PWWP3B: variants seen among roughly 807,000 people sequenced by gnomAD.
PWWP3B encodes the protein PWWP domain containing 3B.
In PWWP3B, 5 loss-of-function variants were observed where a neutral mutation model predicts 15.7. That is an observed-to-expected ratio of 0.32 (90% CI 0.17 to 0.67). PWWP3B has a LOEUF of 0.67. Among genes scored for constraint, PWWP3B ranks in the 30% least tolerant of loss-of-function variants. PWWP3B has a pLI of 0.74. For synonymous variants in PWWP3B, 203 were observed against 179.8 expected, an observed-to-expected ratio of 1.13 and a Z score of -1.03; for missense variants, 519 against 493.1, an observed-to-expected ratio of 1.05 and a Z score of -0.50.
chrX:106,173,401 A>G (rs1288224520), intron 2 of PWWP3B, among the ~76,000 whole-genome samples: 1 of 111,189 alleles, frequency 9.0e-6, no homozygotes, highest in Non-Finnish European at 1.9e-5. Flanking sequence ...TACCCCCCCA[A>G]ATATATTCCA....
At chrX:106,200,687 G>A (rs1923646047) in intron 2 of PWWP3B, among the ~76,000 whole-genome samples, 1 of 111,457 alleles carries the variant, frequency 9.0e-6, no homozygotes, top group African/African-American at 3.3e-5. Context: ...TGTAAATAAA[G>A]ACATAAATTT....
At chrX:106,176,229 G>C (rs1383474243) in intron 2 of PWWP3B, among the ~76,000 whole-genome samples, 1 of 111,303 alleles carries the variant, frequency 9.0e-6, no homozygotes, top group Non-Finnish European at 1.9e-5. Context: ...GATTAGCTGG[G>C]ATTACAGGCA....
At chrX:106,172,285 C>T (rs1921661738) in intron 2 of PWWP3B, among the ~76,000 whole-genome samples, 1 of 110,015 alleles carries the variant, frequency 9.1e-6, no homozygotes, top group Non-Finnish European at 1.9e-5. Context: ...AATAAATTAA[C>T]CTTAGCTTAT....
chrX:106,194,775 T>C (rs1923267389), intron 2 of PWWP3B, among the ~76,000 whole-genome samples: 1 of 112,210 alleles, frequency 8.9e-6, no homozygotes, highest in Non-Finnish European at 1.9e-5. Flanking sequence ...GACCCTCAGC[T>C]GCAGGTCTGT....
At chrX:106,199,969 G>A (rs965883442) in intron 2 of PWWP3B, among the ~76,000 whole-genome samples, 11 of 111,669 alleles carry the variant, frequency 9.9e-5, no homozygotes, top group Non-Finnish European at 1.9e-4. Flanking sequence ...CAGAGAGAAC[G>A]CTACATGTTT....
intron 2 of PWWP3B, among the ~76,000 whole-genome samples, chrX:106,197,085 C>A (rs1396894330): frequency 8.9e-6 from 1 of 111,776 alleles, no homozygotes; most frequent in Non-Finnish European, 1.9e-5. Flanking sequence ...ACAGCCTTAG[C>A]GGGGCTCTAT....
Position 106,208,280 on chromosome X carries a change from T to C in PWWP3B, c.*757T>C, listed in dbSNP as rs1010708377. 1 of 123,414 alleles carries C rather than the reference T, an allele frequency of 8.1e-6. No homozygotes were observed. The highest frequency in any genetic ancestry group is 2.8e-4 in the East Asian group (1 of 3,591). 10.2% of individuals were successfully genotyped at this position (123,414 alleles called of 1,213,427 possible). On this transcript the variant is annotated 3_prime_UTR_variant, in exon 4 of 4. Transcript: ENST00000357175. ...TTCAATGGCTGAATAGTTCCTTAAATCAGACAAGCTCCTGGCTATCTTCAT... is the reference window on the plus strand; with the variant it reads ...TTCAATGGCTGAATAGTTCCTTAAACCAGACAAGCTCCTGGCTATCTTCAT...
At position 106,206,108 on chromosome X, in the gene PWWP3B, G is replaced by A; in HGVS notation, c.676G>A (p.Glu226Lys). Residue 226 changes from glutamate (E) to lysine (K), a missense_variant, in exon 4 of 4, where the codon GAG becomes AAG. Glu to Lys is a moderately conservative substitution (Grantham distance 56). Transcript: ENST00000357175. ...TATGTCTGTGCATTCTGCAGTCAAA[G>A]AGGAAAGTGCATGTGTTAAAGATGA... ...AVMSVHSAVK[E>K]ESACVKDEKF... 1 of 1,211,298 alleles carries A rather than the reference G, an allele frequency of 8.3e-7. No homozygotes were observed. The highest frequency in any genetic ancestry group is 1.1e-6 in the Non-Finnish European group (1 of 895,145).
In PWWP3B at chrX:106,206,010, G is replaced by A. The variant is rs1352818822; in HGVS notation, c.578G>A (p.Cys193Tyr). ...AAGTCATTACAAAACTCTAGCTGGT[G>A]CGAGACTTTCCCTTCACTTTCGGAA... ...ETKSLQNSSW[C>Y]ETFPSLSEDN... Residue 193 changes from cysteine to tyrosine, a missense_variant, in exon 4 of 4, where the codon TGC (cysteine) becomes TAC (tyrosine). Cys to Tyr is a radical substitution (Grantham distance 194, BLOSUM62 -2). Coordinates refer to ENST00000357175, the MANE Select transcript of PWWP3B (RefSeq NM_001171020.2). 1.7e-6 allele frequency: 2 copies of A among 1,207,292 alleles called. No individual in the cohort carries two copies. Among genetic ancestry groups the A allele is most frequent in the Non-Finnish European group, 2.2e-6 (2 of 893,632 alleles).
At chrX:106,199,498 G>A (rs973055915) in intron 2 of PWWP3B, among the ~76,000 whole-genome samples, 2 of 111,742 alleles carry the variant, frequency 1.8e-5, no homozygotes, top group Non-Finnish European at 3.8e-5. Flanking sequence ...CCATTATTGA[G>A]TGGTTTAGGG....
At chrX:106,171,894 T>A (rs1921637905) in intron 2 of PWWP3B, among the ~76,000 whole-genome samples, 1 of 111,122 alleles carries the variant, frequency 9.0e-6, no homozygotes, top group African/African-American at 3.3e-5. Flanking sequence ...TTTTCTGGAA[T>A]ACCTCCTGAA....
Position 106,205,918 on chromosome X carries a change from T to C in PWWP3B, c.486T>C (p.Asp162=), listed in dbSNP as rs1177686056. Residue 162 remains aspartate (D), a synonymous_variant, in exon 4 of 4, where the codon GAT becomes GAC. Transcript: ENST00000357175. ...TGTTAGCATCTTCAGAGAGTGATGA[T>C]TCCCTGTATGATGATAAATCACAAG... ...ACLLASSESD[D]SLYDDKSQAP... 1 of 1,209,509 alleles carries C rather than the reference T, an allele frequency of 8.3e-7. No individual in the cohort carries two copies. Among genetic ancestry groups the C allele is most frequent in the African/African-American group, 1.7e-5 (1 of 57,249 alleles).
At chrX:106,189,652 C>A (rs1170257409) in intron 2 of PWWP3B, among the ~76,000 whole-genome samples, 2 of 94,953 alleles carry the variant, frequency 2.1e-5, no homozygotes, top group Non-Finnish European at 4.1e-5. Flanking sequence ...GAGTCTCGCT[C>A]TGTCGCCCAG....
At chrX:106,202,013 G>A (rs1443586284) in intron 2 of PWWP3B, among the ~76,000 whole-genome samples, 2 of 112,017 alleles carry the variant, frequency 1.8e-5, no homozygotes, top group Non-Finnish European at 3.8e-5. Flanking sequence ...CAGCATGACT[G>A]TTCCTGCTAA....
In PWWP3B at chrX:106,208,752, A is replaced by G. The variant is rs1022547526; in HGVS notation, c.*1229A>G. The G allele has an allele frequency of 8.1e-6, 1 of 123,532 alleles. No individual in the cohort carries two copies. The highest frequency in any genetic ancestry group is 9.5e-5 in the Admixed American group (1 of 10,549). 10.2% of individuals were successfully genotyped at this position (123,532 alleles called of 1,213,427 possible). A position where few individuals can be genotyped will look rare whatever the true frequency, so the allele number is the denominator to read the frequency against. Reference sequence around the variant, plus strand: ...TTCTAACTTGAAATATATTTTTGTGAGAATAAATGTTAGAAAAGTTAGTTT... The same window carrying G: ...TTCTAACTTGAAATATATTTTTGTGGGAATAAATGTTAGAAAAGTTAGTTT... On this transcript the variant is annotated 3_prime_UTR_variant, in exon 4 of 4. Coordinates refer to ENST00000357175, the MANE Select transcript of PWWP3B (RefSeq NM_001171020.2).
At chrX:106,194,953 T>C (rs886653343) in intron 2 of PWWP3B, among the ~76,000 whole-genome samples, 2 of 111,461 alleles carry the variant, frequency 1.8e-5, no homozygotes, top group Admixed American at 9.5e-5. Flanking sequence ...CTGCCCCTAC[T>C]GGGGGGTGCC....
At chrX:106,177,505 A>G (rs997018265) in intron 2 of PWWP3B, 3 of 112,769 alleles carry the variant, frequency 2.7e-5, no homozygotes, top group Non-Finnish European at 3.7e-5. Flanking sequence ...TGTTATTGGA[A>G]CGGAATTAAT....
At chrX:106,201,005 G>T (rs1923670457) in intron 2 of PWWP3B, among the ~76,000 whole-genome samples, 1 of 107,966 alleles carries the variant, frequency 9.3e-6, no homozygotes, top group African/African-American at 3.4e-5. Flanking sequence ...CCGAGATCAC[G>T]CCACTGCACT....
At chrX:106,202,886 C>A (rs1338917649) in intron 2 of PWWP3B, among the ~76,000 whole-genome samples, 2 of 111,753 alleles carry the variant, frequency 1.8e-5, no homozygotes, top group Non-Finnish European at 3.8e-5. Flanking sequence ...AAAAACATAT[C>A]TATGAAAGTT....
Sources: allele counts gnomAD v4.1 joint callset (sites outside exome capture counted in the v4.1 genomes callset), GRCh38; gene constraint gnomAD v4.1.1; transcripts MANE v1.5; gene names NCBI Gene and HGNC (gene_info 2026-07-23, HGNC 2026-07-21).